Variants in ZFHX3 observed in about 807,000 individuals in gnomAD.
The protein encoded by ZFHX3 is zinc finger homeobox 3.
A neutral mutation model predicts 279.1 loss-of-function variants in ZFHX3; 42 were observed. That is an observed-to-expected ratio of 0.15 (90% CI 0.12 to 0.19). ZFHX3 has a LOEUF of 0.19. Ranked by LOEUF, ZFHX3 falls within the 10% of genes least tolerant of loss-of-function variation. The pLI is 1.00. For missense variants in ZFHX3, 4,981 were observed against 4,754.0 expected (o/e 1.05, Z -1.40); for synonymous variants, 2,293 against 1,957.8 (o/e 1.17, Z -4.52).
chr16:72,868,205 T>C (rs1180890429), intron 4 of ZFHX3, among the ~76,000 whole-genome samples: 2 of 152,240 alleles, frequency 1.3e-5, no homozygotes, highest in African/African-American at 4.8e-5. Flanking sequence ...TATATTCATT[T>C]ACAAAAGTGG....
intron 1 of ZFHX3, among the ~76,000 whole-genome samples, chr16:73,055,511 C>T (rs1965528051): frequency 6.6e-6 from 1 of 152,094 alleles, no homozygotes; most frequent in South Asian, 2.1e-4. Flanking sequence ...TTTTATTTCC[C>T]CATTGCAGGA....
chr16:73,372,291 T>C (rs1278139565), intron 3 of ZFHX3, among the ~76,000 whole-genome samples: 1 of 150,996 alleles, frequency 6.6e-6, no homozygotes, highest in Non-Finnish European at 1.5e-5. Context: ...TTAAACAAGG[T>C]TTTTTTTTAA....
intron 7 of ZFHX3, 96 bp downstream of exon 7, chr16:72,811,481 G>T: frequency 7.9e-7 from 1 of 1,270,956 alleles, no homozygotes; most frequent in Non-Finnish European, 1.1e-6. Context: ...ACTCTACACT[G>T]ACTTTCTCGT....
At chr16:72,801,769 A>G (rs1004241074) in intron 7 of ZFHX3, among the ~76,000 whole-genome samples, 2 of 152,180 alleles carry the variant, frequency 1.3e-5, no homozygotes, top group Non-Finnish European at 2.9e-5. Flanking sequence ...TGCCAAACTC[A>G]TTCCATCTAT....
At chr16:73,427,407 T>C (rs1346852484) in intron 3 of ZFHX3, among the ~76,000 whole-genome samples, 1 of 152,164 alleles carries the variant, frequency 6.6e-6, no homozygotes, top group Non-Finnish European at 1.5e-5. Flanking sequence ...CCTCACTGTG[T>C]GTGTATCGGC....
At chr16:73,181,671 C>A (rs765311516) in intron 5 of ZFHX3, among the ~76,000 whole-genome samples, 1 of 152,132 alleles carries the variant, frequency 6.6e-6, no homozygotes, top group Non-Finnish European at 1.5e-5. Context: ...ACTGAGCAAA[C>A]GTGTTCTGGG....
chr16:73,191,299 C>T (rs984513263), intron 5 of ZFHX3, among the ~76,000 whole-genome samples: 15 of 151,964 alleles, frequency 9.9e-5, no homozygotes, highest in Non-Finnish European at 2.1e-4. Context: ...TTCCGTGGCT[C>T]CCCCCGGCCG....
At chr16:73,410,972 C>T (rs2017454198) in intron 3 of ZFHX3, among the ~76,000 whole-genome samples, 1 of 152,174 alleles carries the variant, frequency 6.6e-6, no homozygotes, top group Admixed American at 6.5e-5. Context: ...TATAAATATC[C>T]AGTTGTCATC....
At chr16:73,800,812 C>A (rs1011066601) in intron 1 of ZFHX3, among the ~76,000 whole-genome samples, 8 of 152,252 alleles carry the variant, frequency 5.3e-5, no homozygotes, top group Middle Eastern at 3.4e-3. Flanking sequence ...CCGTCTACCC[C>A]CAAAAGAAAA....
intron 5 of ZFHX3, among the ~76,000 whole-genome samples, chr16:73,184,036 A>G (rs1967858590): frequency 6.6e-6 from 1 of 152,168 alleles, no homozygotes; most frequent in Non-Finnish European, 1.5e-5. Flanking sequence ...TCTCTAAAGA[A>G]GAGGCCTGGT....
intron 3 of ZFHX3, among the ~76,000 whole-genome samples, chr16:73,364,336 T>G (rs78220020): frequency 0.039 from 5,811 of 149,778 alleles, 284 homozygotes; most frequent in African/African-American, 0.11. Context: ...TTATAATAAA[T>G]TCAATAATAA....
chr16:73,307,985 T>C (rs951899915), intron 4 of ZFHX3, among the ~76,000 whole-genome samples: 1 of 151,838 alleles, frequency 6.6e-6, no homozygotes, highest in African/African-American at 2.4e-5. Context: ...ATTTGCCAGC[T>C]CCCGTGATTT....
intron 3 of ZFHX3, among the ~76,000 whole-genome samples, chr16:72,926,537 A>G (rs1168631202): frequency 1.3e-5 from 2 of 152,188 alleles, no homozygotes; most frequent in African/African-American, 4.8e-5. Flanking sequence ...TCTGATCAAC[A>G]TGAATTGGGG....
At chr16:72,874,308 G>C (rs930083941) in intron 4 of ZFHX3, among the ~76,000 whole-genome samples, 1 of 144,296 alleles carries the variant, frequency 6.9e-6, no homozygotes, top group Non-Finnish European at 1.5e-5. Flanking sequence ...CCGGGTTCAC[G>C]CCATTCTCCT....
intron 3 of ZFHX3, among the ~76,000 whole-genome samples, chr16:73,416,264 G>A (rs115977034): frequency 0.017 from 2,626 of 152,120 alleles, 82 homozygotes; most frequent in African/African-American, 0.06. Flanking sequence ...TCCTTTGCTT[G>A]TCTTCTTTCT....
At chr16:72,799,996 A>T (rs747433078) in intron 8 of ZFHX3, 31 bp downstream of exon 8, 24 of 1,599,738 alleles carry the variant, frequency 1.5e-5, no homozygotes, top group Non-Finnish European at 1.9e-5. Flanking sequence ...TCTTGTTTCA[A>T]TTTCTTGGGG....
chr16:73,353,706 T>C (rs917814966), intron 3 of ZFHX3, among the ~76,000 whole-genome samples: 6 of 151,990 alleles, frequency 3.9e-5, no homozygotes, highest in African/African-American at 1.4e-4. Context: ...ATGCTGTTAG[T>C]ATAGACCCAG....
intron 2 of ZFHX3, among the ~76,000 whole-genome samples, chr16:73,519,753 A>T (rs1187343120): frequency 6.6e-6 from 1 of 152,136 alleles, no homozygotes; most frequent in Non-Finnish European, 1.5e-5. Flanking sequence ...TTGAAGTGTT[A>T]CCATTCCACT....
chr16:73,176,918 A>G (rs1967678946), intron 5 of ZFHX3, among the ~76,000 whole-genome samples: 2 of 152,118 alleles, frequency 1.3e-5, no homozygotes, highest in Non-Finnish European at 2.9e-5. Flanking sequence ...TCATCATTTC[A>G]TCTTCGGCCC....
Sources: allele counts gnomAD v4.1 joint callset (sites outside exome capture counted in the v4.1 genomes callset), GRCh38; gene constraint gnomAD v4.1.1; transcripts MANE v1.5; gene names NCBI Gene and HGNC (gene_info 2026-07-23, HGNC 2026-07-21).